The following MORN4 variants were observed in gnomAD, a reference collection of about 807,000 sequenced individuals.
MORN4 encodes the protein MORN repeat containing 4.
MORN4 carries 8 observed loss-of-function variants against 16.4 expected under a neutral mutation model. That is an observed-to-expected ratio of 0.49 (90% CI 0.29 to 0.88). The LOEUF is 0.88. MORN4 is among the 40% of genes least tolerant of loss of function. The probability of loss-of-function intolerance (pLI) is 0.09; values close to 1 mark genes in which losing one functional copy is unlikely to be tolerated. For synonymous variants in MORN4, 53 were observed against 68.9 expected (o/e 0.77, Z 1.14); for missense variants, 159 against 182.9 (o/e 0.87, Z 0.75).
chr10:97,623,924 G>T (rs192857215), intron 1 of MORN4, among the ~76,000 whole-genome samples: 238 of 152,092 alleles, frequency 1.6e-3, no homozygotes, highest in African/African-American at 5.4e-3. Flanking sequence ...TTTTAGTAGA[G>T]ATGGAGTTTC....
upstream of MORN4, chr10:97,633,637 G>A (rs949613581): frequency 8.6e-6 from 11 of 1,283,186 alleles, no homozygotes; most frequent in Middle Eastern, 2.1e-4. The surrounding 1 kb of genome is among the most constrained non-coding windows in gnomAD (Gnocchi z 4.5). Flanking sequence ...ATGTGAAAGA[G>A]GGGTGGTCCC....
At chr10:97,616,885 G>A in intron 3 of MORN4, 98 bp from the exon 4 acceptor site, 1 of 847,926 alleles carries the variant, frequency 1.2e-6, no homozygotes. Flanking sequence ...ATGATGCTAA[G>A]GAGCAAGCCG....
chr10:97,632,212 C>T lies in MORN4; in HGVS notation c.-31+1135G>A, dbSNP rs866882024. 1.0e-4 allele frequency among the ~76,000 whole-genome samples: 9 copies of T among 86,978 alleles called. No individual in the cohort carries two copies. In the South Asian group the frequency reaches 1.6e-3, roughly 16 times the overall value. The allele number at this position is 86,978 out of a possible 152,430, so 57.1% of individuals were successfully genotyped here. A position where few individuals can be genotyped will look rare whatever the true frequency, so the allele number is the denominator to read the frequency against. ...GAACAAAAAGTCAAATAATACTCCC[C>T]TTTTTTTTTTTTTTTTTTTTTTTTG... On this transcript the variant is annotated intron_variant, in intron 1 of 4. Coordinates refer to ENST00000307450, the MANE Select transcript of MORN4 (RefSeq NM_178832.4).
rs1282110134 is a variant in MORN4, at chr10:97,615,540, GTGAAACCCCGTCTCTA to G, written c.*707_*722del. ...GTTTGAGACCAGCCTGGCCAATATG[GTGAAACCCCGTCTCTA>G]CTAAAAAAAAATACAAAAATTAGCT... On this transcript the variant is annotated 3_prime_UTR_variant, in exon 5 of 5. Transcript: ENST00000307450. 1.3e-5 allele frequency: 2 copies of G among 152,046 alleles called. No individual in the cohort carries two copies. Among genetic ancestry groups the G allele is most frequent in the African/African-American group, 4.8e-5 (2 of 41,410 alleles). 9.4% of individuals were successfully genotyped at this position (152,046 alleles called of 1,614,324 possible).
Position 97,616,800 on chromosome 10 carries a change from C to G in MORN4, c.183-13G>C. 6.3e-7 allele frequency: 1 copy of G among 1,584,004 alleles called. No homozygotes were observed. Among genetic ancestry groups the G allele is most frequent in the Admixed American group, 1.7e-5 (1 of 59,980 alleles). ...CTCCCCCTCATACCTGCAGAAACAC[C>G]AAGAAGTTAGCCTTCAGTGGAAAGT... On this transcript the variant is annotated splice_polypyrimidine_tract_variant and intron_variant, in intron 3 of 4. Coordinates refer to ENST00000307450, the MANE Select transcript of MORN4 (RefSeq NM_178832.4).
chr10:97,617,325 G>A lies in MORN4; in HGVS notation c.68-3C>T, dbSNP rs2041245261. 2 of 1,613,110 alleles carry A rather than the reference G, an allele frequency of 1.2e-6. No individual in the cohort carries two copies. The highest frequency in any genetic ancestry group is 1.7e-6 in the Non-Finnish European group (2 of 1,179,088). ...TTGACCAAAACCATGCCTGCGGCCT[G>A]AACAAAGAGAAGGATAGGTGTCAGG... On this transcript the variant is annotated splice_region_variant and splice_polypyrimidine_tract_variant and intron_variant, in intron 2 of 4. Coordinates refer to ENST00000307450, the MANE Select transcript of MORN4 (RefSeq NM_178832.4).
In MORN4 at chr10:97,616,084, A is replaced by T; in HGVS notation, c.*179T>A. 1.8e-6 allele frequency: 1 copy of T among 552,740 alleles called. No homozygotes were observed. The highest frequency in any genetic ancestry group is 3.7e-5 in the South Asian group (1 of 27,180). 34.2% of individuals were successfully genotyped at this position (552,740 alleles called of 1,614,324 possible). On this transcript the variant is annotated 3_prime_UTR_variant, in exon 5 of 5. Transcript: ENST00000307450. Reference sequence around the variant, plus strand: ...ATGACTGCTGCAGGGTCTGCTGGCCAGCATCCTCAGCACTTTTCTGTGGTC... The same window carrying T: ...ATGACTGCTGCAGGGTCTGCTGGCCTGCATCCTCAGCACTTTTCTGTGGTC...
At chr10:97,628,950 C>T (rs1036530724) in intron 1 of MORN4, among the ~76,000 whole-genome samples, 1 of 152,182 alleles carries the variant, frequency 6.6e-6, no homozygotes, top group Non-Finnish European at 1.5e-5. Context: ...ACTGTATTTC[C>T]AAGATGTTTG....
At chr10:97,630,471 T>C (rs1018055711) in intron 1 of MORN4, among the ~76,000 whole-genome samples, 1 of 152,238 alleles carries the variant, frequency 6.6e-6, no homozygotes, top group Non-Finnish European at 1.5e-5. Context: ...TCCTCTCCCA[T>C]TGGTTTTCAA....
At chr10:97,619,825 A>C (rs1443055692) in intron 1 of MORN4, 142 bp from the exon 2 acceptor site, 3 of 594,906 alleles carry the variant, frequency 5.0e-6, no homozygotes, top group Non-Finnish European at 6.0e-6. Flanking sequence ...AAATACCCCT[A>C]TCTCCAACCA....
At chr10:97,621,697 C>T (rs1476273076) in intron 1 of MORN4, among the ~76,000 whole-genome samples, 2 of 152,120 alleles carry the variant, frequency 1.3e-5, no homozygotes, top group Non-Finnish European at 2.9e-5. Flanking sequence ...AATCCTGTCT[C>T]TACTAAAGAT....
intron 1 of MORN4, among the ~76,000 whole-genome samples, chr10:97,625,992 C>G (rs531069285): frequency 6.6e-6 from 1 of 152,110 alleles, no homozygotes; most frequent in Non-Finnish European, 1.5e-5. Context: ...AACTCCTAGC[C>G]TCAAGCAATC....
At chr10:97,629,574 C>T (rs2041377058) in intron 1 of MORN4, among the ~76,000 whole-genome samples, 2 of 152,074 alleles carry the variant, frequency 1.3e-5, no homozygotes, top group Admixed American at 1.3e-4. Context: ...CTGCCCTTAC[C>T]TTTGAATCAT....
Position 97,616,226 on chromosome 10 carries a change from T to C in MORN4, c.*37A>G. 6.6e-7 allele frequency: 1 copy of C among 1,510,814 alleles called. No homozygotes were observed. The highest frequency in any genetic ancestry group is 8.8e-7 in the Non-Finnish European group (1 of 1,130,516). 93.6% of individuals were successfully genotyped at this position (1,510,814 alleles called of 1,614,324 possible). A position where few individuals can be genotyped will look rare whatever the true frequency, so the allele number is the denominator to read the frequency against. On this transcript the variant is annotated 3_prime_UTR_variant, in exon 5 of 5. Coordinates refer to ENST00000307450, the MANE Select transcript of MORN4 (RefSeq NM_178832.4). ...TCGAATCAACAACAGGGGCACTGGCTTTACCCAATACTTATCAGCTGGTGC... is the reference window on the plus strand; with the variant it reads ...TCGAATCAACAACAGGGGCACTGGCCTTACCCAATACTTATCAGCTGGTGC...
chr10:97,616,838 T>A lies in MORN4; in HGVS notation c.183-51A>T, dbSNP rs370843693. On this transcript the variant is annotated intron_variant, in intron 3 of 4. Coordinates refer to ENST00000307450, the MANE Select transcript of MORN4 (RefSeq NM_178832.4). Reference sequence around the variant, plus strand: ...TTCAGTGGAAAGTTAGCTGTCCAGATGAACGGAGTCGAGCAGCTGCTGATC... The same window carrying A: ...TTCAGTGGAAAGTTAGCTGTCCAGAAGAACGGAGTCGAGCAGCTGCTGATC... The A allele has an allele frequency of 2.5e-5, 32 of 1,300,774 alleles. No homozygotes were observed. In the African/African-American group the frequency reaches 4.1e-4, roughly 17 times the overall value. 80.6% of individuals were successfully genotyped at this position (1,300,774 alleles called of 1,614,324 possible). A position where few individuals can be genotyped will look rare whatever the true frequency, so the allele number is the denominator to read the frequency against.
chr10:97,633,971 A>G (rs1338999231), upstream of MORN4, among the ~76,000 whole-genome samples: 4 of 152,178 alleles, frequency 2.6e-5, no homozygotes, highest in Non-Finnish European at 5.9e-5. This position sits in a 1 kb window ranked among gnomAD's most constrained non-coding sequence, Gnocchi z 4.5. Context: ...TGTCCTTGTC[A>G]TTATCTAGAT....
chr10:97,616,495 C>A, intron 4 of MORN4, 84 bp from the exon 5 acceptor site: 1 of 1,462,380 alleles, frequency 6.8e-7, no homozygotes, highest in Non-Finnish European at 9.2e-7. Context: ...TTGATATGTC[C>A]AGGCCAAAGA....
At chr10:97,617,777 T>C (rs1000059700) in intron 2 of MORN4, among the ~76,000 whole-genome samples, 1 of 151,960 alleles carries the variant, frequency 6.6e-6, no homozygotes, top group Non-Finnish European at 1.5e-5. Context: ...GGAGAATCAC[T>C]TGAACCCGGG....
chr10:97,617,391 G>C (rs1370304547), intron 2 of MORN4, 69 bp from the exon 3 acceptor site: 1 of 1,171,104 alleles, frequency 8.5e-7, no homozygotes, highest in African/African-American at 1.5e-5. Context: ...TACTCTTGTA[G>C]CATCCCTTAC....
Sources: gnomAD v4.1 joint callset for allele counts (sites outside exome capture counted in the v4.1 genomes callset) on GRCh38, gnomAD v4.1.1 for gene constraint, Gnocchi (gnomAD v3.1) non-coding constraint, MANE v1.5 for transcripts, NCBI Gene and HGNC (gene_info 2026-07-23, HGNC 2026-07-21) for gene names.